JAK1: variants seen among roughly 807,000 people sequenced by gnomAD.
The protein encoded by JAK1 is tyrosine-protein kinase JAK1.
Under a neutral mutation model 136.6 loss-of-function variants are expected in JAK1, and 16 were observed. The ratio of observed to expected loss-of-function variants is 0.12; its 90% CI spans 0.08 to 0.18. The LOEUF is 0.18. Among genes scored for constraint, JAK1 ranks in the 10% least tolerant of loss-of-function variants. The probability of loss-of-function intolerance (pLI) is 1.00; values close to 1 mark genes in which losing one functional copy is unlikely to be tolerated. For missense variants in JAK1, 859 were observed against 1,450.1 expected, an observed-to-expected ratio of 0.59 and a Z score of 6.62; for synonymous variants, 492 against 519.5, an observed-to-expected ratio of 0.95 and a Z score of 0.72.
At chr1:65,021,335 C>G (rs1215616142) in intron 2 of JAK1, among the ~76,000 whole-genome samples, 1 of 152,230 alleles carries the variant, frequency 6.6e-6, no homozygotes, top group Non-Finnish European at 1.5e-5. Flanking sequence ...GCTTCTGCAG[C>G]TGATGACAAG....
chr1:64,984,945 A>G lies in JAK1; in HGVS notation c.-78+59535T>C. 1 of 1,072,020 alleles carries G rather than the reference A, an allele frequency of 9.3e-7. No individual in the cohort carries two copies. The highest frequency in any genetic ancestry group is 1.4e-6 in the Non-Finnish European group (1 of 690,140). 66.4% of individuals were successfully genotyped at this position (1,072,020 alleles called of 1,614,324 possible). The stretch of plus-strand genomic sequence containing the variant: ...GAGTTCAGCCACAATAAACCAGGGA[A>G]TGTGGTCTGGCCCAATTTCAAAGAA... On this transcript the variant is annotated intron_variant, in intron 2 of 25. Coordinates refer to the JAK1 transcript ENST00000671954. This position sits in a 1 kb window ranked among gnomAD's most constrained non-coding sequence, Gnocchi z 4.1.
chr1:64,985,558 A>C (rs1273457043), intron 2 of JAK1: 2 of 1,185,942 alleles, frequency 1.7e-6, no homozygotes, highest in East Asian at 2.3e-5. Flanking sequence ...AGGTCTTCAG[A>C]CCCCAGGATG....
chr1:65,033,911 A>G (rs921506322), intron 2 of JAK1, among the ~76,000 whole-genome samples: 3 of 152,180 alleles, frequency 2.0e-5, no homozygotes, highest in Non-Finnish European at 4.4e-5. Context: ...TTTTCATGAA[A>G]TGAAGATGAT....
chr1:64,836,301 C>T lies in JAK1; in HGVS notation c.3141-86G>A, dbSNP rs6691298. The T allele has an allele frequency of 4.4e-3, 3,400 of 777,848 alleles. 96 individuals carry two copies. The African/African-American group carries it at 0.051, about 12-fold the overall frequency. The allele number at this position is 777,848 out of a possible 1,614,324, so 48.2% of individuals were successfully genotyped here. On this transcript the variant is annotated intron_variant, in intron 22 of 24. Transcript: ENST00000342505. Reference sequence around the variant, plus strand: ...CAGGATAACTGAAAAATCACCTCTTCGGTTTTTCTTATAATTTAATACAGC... The same window carrying T: ...CAGGATAACTGAAAAATCACCTCTTTGGTTTTTCTTATAATTTAATACAGC...
chr1:64,844,897 G>GT lies in JAK1; in HGVS notation c.2116-9dup. 1.2e-6 allele frequency: 2 copies of GT among 1,614,172 alleles called. No homozygotes were observed. Among genetic ancestry groups the GT allele is most frequent in the Non-Finnish European group, 1.7e-6 (2 of 1,180,022 alleles). On this transcript the variant is annotated splice_polypyrimidine_tract_variant and intron_variant, in intron 15 of 24. Transcript: ENST00000342505. The surrounding 1 kb of genome is among the most constrained non-coding windows in gnomAD (Gnocchi z 5.7). ...GACCAGGTCTTTATCCTCCTGCAGAGTAAAAAGGTCAAGTTTAGCCAAGCT... is the reference window on the plus strand; with the variant it reads ...GACCAGGTCTTTATCCTCCTGCAGAGTTAAAAAGGTCAAGTTTAGCCAAGCT...
At chr1:64,863,441 G>C (rs1037826429) in intron 8 of JAK1, among the ~76,000 whole-genome samples, 1 of 151,648 alleles carries the variant, frequency 6.6e-6, no homozygotes, top group African/African-American at 2.4e-5. Flanking sequence ...CCTCCATTTC[G>C]CATCTTTCCA....
At position 64,844,254 on chromosome 1, in the gene JAK1, G is replaced by T; in HGVS notation, c.2252-39C>A. 1 of 1,612,722 alleles carries T rather than the reference G, an allele frequency of 6.2e-7. No individual in the cohort carries two copies. Among genetic ancestry groups the T allele is most frequent in the Non-Finnish European group, 8.5e-7 (1 of 1,178,760 alleles). On this transcript the variant is annotated intron_variant, in intron 16 of 24. Transcript: ENST00000342505. This position sits in a 1 kb window ranked among gnomAD's most constrained non-coding sequence, Gnocchi z 5.7. ...GACACACTGATGGAGCAGTTTCTGG[G>T]ATCTCCTAGGGATTCAATTACTGTC...
chr1:64,907,329 TGAAA>T (rs1413004964), intron 1 of JAK1, among the ~76,000 whole-genome samples: 2 of 152,328 alleles, frequency 1.3e-5, no homozygotes, highest in East Asian at 3.9e-4. Flanking sequence ...GTTTTGATTC[TGAAA>T]GAGAGAATAA....
At chr1:64,836,597 A>G (rs565117649) in intron 22 of JAK1, among the ~76,000 whole-genome samples, 34 of 152,234 alleles carry the variant, frequency 2.2e-4, no homozygotes, top group African/African-American at 7.2e-4. Flanking sequence ...TCGCTGTCCA[A>G]TCCTCTTCCA....
chr1:64,950,623 T>C (rs1287229221), intron 1 of JAK1, among the ~76,000 whole-genome samples: 1 of 152,136 alleles, frequency 6.6e-6, no homozygotes, highest in East Asian at 1.9e-4. Context: ...CCAAGTAACT[T>C]GATCTCTCTT....
At chr1:64,968,081 G>A (rs1174145443), upstream of JAK1, among the ~76,000 whole-genome samples, 2 of 152,190 alleles carry the variant, frequency 1.3e-5, no homozygotes, top group Admixed American at 1.3e-4. Context: ...TAAAGAACAG[G>A]TGAGACTGAC....
At chr1:65,012,458 T>TTAAAATAATTATTAGAAATAAAAAA (rs1553181119) in intron 2 of JAK1, among the ~76,000 whole-genome samples, 7 of 152,198 alleles carry the variant, frequency 4.6e-5, no homozygotes, top group African/African-American at 1.4e-4. Context: ...GTATCAAATA[T>TTAAAATAATTATTAGAAATAAAAAA]TAAAATAATT....
chr1:65,060,916 A>G (rs1394859583), intron 1 of JAK1, among the ~76,000 whole-genome samples: 1 of 152,220 alleles, frequency 6.6e-6, no homozygotes, highest in Non-Finnish European at 1.5e-5. Flanking sequence ...TACTCATGCT[A>G]CAGTAAGAAA....
intron 1 of JAK1, among the ~76,000 whole-genome samples, chr1:64,935,393 G>A (rs961450242): frequency 7.2e-5 from 11 of 152,118 alleles, no homozygotes; most frequent in South Asian, 2.1e-4. Flanking sequence ...TCCGCCTCCC[G>A]GGTTCAAGCG....
chr1:64,970,464 A>G (rs1646441482), upstream of JAK1, among the ~76,000 whole-genome samples: 1 of 151,042 alleles, frequency 6.6e-6, no homozygotes, highest in Non-Finnish European at 1.5e-5. Context: ...CAAAACAAAA[A>G]GGGCCGGGTG....
intron 2 of JAK1, chr1:64,974,048 T>C (rs1303688938): frequency 6.6e-6 from 1 of 152,202 alleles, no homozygotes; most frequent in Non-Finnish European, 1.5e-5. Context: ...CCACATTATG[T>C]TTTTAGACTG....
rs1295507016 is a variant in JAK1 at position 64,857,711 on chromosome 1, C to T, written c.1403G>A (p.Ser468Asn). Residue 468 changes from serine to asparagine, a missense_variant, in exon 10 of 25, where the codon AGC (serine) becomes AAC (asparagine). Transcript: ENST00000342505. ...GAGGATGTTGTCAAAGTCGGTGCAG[C>T]TCCACCTCAGCACGTACATCCCCTC... ...SEEGMYVLRW[S>N]CTDFDNILMT... 6.2e-7 allele frequency: 1 copy of T among 1,614,100 alleles called. No individual in the cohort carries two copies. Among genetic ancestry groups the T allele is most frequent in the Non-Finnish European group, 8.5e-7 (1 of 1,180,048 alleles).
At chr1:64,950,906 A>G (rs1646073723) in intron 1 of JAK1, among the ~76,000 whole-genome samples, 1 of 152,236 alleles carries the variant, frequency 6.6e-6, no homozygotes, top group South Asian at 2.1e-4. Context: ...AGTCACTTAA[A>G]CACTCTGATT....
intron 2 of JAK1, among the ~76,000 whole-genome samples, chr1:64,999,068 CTT>C (rs1646729558): frequency 6.6e-6 from 1 of 152,124 alleles, no homozygotes; most frequent in Non-Finnish European, 1.5e-5. Flanking sequence ...ATCTTCCTAT[CTT>C]TTGTTTTCTC....
Sources: allele counts gnomAD v4.1 joint callset (sites outside exome capture counted in the v4.1 genomes callset), GRCh38; gene constraint gnomAD v4.1.1; non-coding constraint Gnocchi (gnomAD v3.1); transcripts MANE v1.5; gene names NCBI Gene and HGNC (gene_info 2026-07-23, HGNC 2026-07-21).